The following SLC5A3 variants were observed in gnomAD, a reference collection of about 807,000 sequenced individuals.
The protein encoded by SLC5A3 is sodium/myo-inositol cotransporter.
Under a neutral mutation model 43.2 loss-of-function variants are expected in SLC5A3, and 10 were observed. That is an observed-to-expected ratio of 0.23 (90% CI 0.14 to 0.39). The LOEUF is 0.39. Ranked by LOEUF, SLC5A3 falls within the 10% of genes least tolerant of loss-of-function variation. SLC5A3 has a pLI of 1.00. For synonymous variants in SLC5A3, 349 were observed against 322.0 expected, an observed-to-expected ratio of 1.08 and a Z score of -0.90; for missense variants, 608 against 893.4, an observed-to-expected ratio of 0.68 and a Z score of 4.07.
rs751109363 is a variant in SLC5A3, at chr21:34,104,766, C to T, written c.*7411C>T. 3.3e-5 allele frequency: 33 copies of T among 1,000,146 alleles called. No individual in the cohort carries two copies. Among genetic ancestry groups the T allele is most frequent in the Non-Finnish European group, 3.9e-5 (32 of 829,996 alleles). The allele number at this position is 1,000,146 out of a possible 1,614,324, so 62.0% of individuals were successfully genotyped here. ...TTGAGGAACACCCTTGGCTTAGCAACATGTGATAATGCAAAGCTGTTATAA... is the reference window on the plus strand; with the variant it reads ...TTGAGGAACACCCTTGGCTTAGCAATATGTGATAATGCAAAGCTGTTATAA... On this transcript the variant is annotated 3_prime_UTR_variant, in exon 2 of 2. Transcript: ENST00000381151.
intron 1 of SLC5A3, among the ~76,000 whole-genome samples, chr21:34,076,886 C>G (rs2148651228): frequency 6.6e-6 from 1 of 152,334 alleles, no homozygotes; most frequent in East Asian, 1.9e-4. Flanking sequence ...GTTTTATTCA[C>G]TTCTGGAAAA....
intron 1 of SLC5A3, among the ~76,000 whole-genome samples, chr21:34,080,956 G>A (rs1033346658): frequency 7.2e-5 from 11 of 152,284 alleles, no homozygotes; most frequent in Middle Eastern, 3.4e-3. Flanking sequence ...TTTTATGACA[G>A]GTAATCTTGT....
intron 1 of SLC5A3, among the ~76,000 whole-genome samples, chr21:34,088,392 ATG>A (rs1978507958): frequency 8.0e-4 from 1 of 1,246 alleles, no homozygotes; most frequent in African/African-American, 3.0e-3. Flanking sequence ...TGTGAAGCCT[ATG>A]CCTGGGACTT....
rs1005585902 is a variant in SLC5A3, at chr21:34,104,132, T to C, written c.*6777T>C. 6 of 999,966 alleles carry C rather than the reference T, an allele frequency of 6.0e-6. No homozygotes were observed. The highest frequency in any genetic ancestry group is 6.0e-6 in the Non-Finnish European group (5 of 829,902). 61.9% of individuals were successfully genotyped at this position (999,966 alleles called of 1,614,324 possible). On this transcript the variant is annotated 3_prime_UTR_variant, in exon 2 of 2. Coordinates refer to ENST00000381151, the MANE Select transcript of SLC5A3 (RefSeq NM_006933.7). The stretch of plus-strand genomic sequence containing the variant: ...AGAGATGAAGTTACCTTTATTTTTT[T>C]CCTATACTTGACTGTGCTTCATTTT...
intron 1 of SLC5A3, among the ~76,000 whole-genome samples, chr21:34,087,502 TGAG>T (rs988665360): frequency 6.3e-4 from 96 of 152,210 alleles, no homozygotes; most frequent in African/African-American, 2.1e-3. Flanking sequence ...TACATGGTAG[TGAG>T]GAGACAGAAG....
chr21:34,099,487 G>C lies in SLC5A3; in HGVS notation c.*2132G>C. 1.0e-6 allele frequency: 1 copy of C among 999,850 alleles called. No individual in the cohort carries two copies. The highest frequency in any genetic ancestry group is 1.2e-6 in the Non-Finnish European group (1 of 829,778). The allele number at this position is 999,850 out of a possible 1,614,324, so 61.9% of individuals were successfully genotyped here. A position where few individuals can be genotyped will look rare whatever the true frequency, so the allele number is the denominator to read the frequency against. On this transcript the variant is annotated 3_prime_UTR_variant, in exon 2 of 2. Coordinates refer to ENST00000381151, the MANE Select transcript of SLC5A3 (RefSeq NM_006933.7). ...GGATTTTTCAAATTAACATTAAGTT[G>C]TAAGAACTAAAATTTTCTTTGAACC...
chr21:34,090,785 C>T (rs1015425799), intron 1 of SLC5A3, among the ~76,000 whole-genome samples: 9 of 152,258 alleles, frequency 5.9e-5, no homozygotes, highest in African/African-American at 2.2e-4. Flanking sequence ...TGTTGAGGCT[C>T]ATAGAGATGA....
Position 34,105,880 on chromosome 21 carries a change from A to AT in SLC5A3, c.*8527dup. 1 of 990,600 alleles carries AT rather than the reference A, an allele frequency of 1.0e-6. No homozygotes were observed. 61.4% of individuals were successfully genotyped at this position (990,600 alleles called of 1,614,324 possible). ...GTACAGTTGAAATTGTAGATTTAAG[A>AT]TTGTTAAAATCATGACAATTCTAAC... On this transcript the variant is annotated 3_prime_UTR_variant, in exon 2 of 2. Coordinates refer to ENST00000381151, the MANE Select transcript of SLC5A3 (RefSeq NM_006933.7).
rs764055960 is a variant in SLC5A3, at chr21:34,096,730, A to T, written c.1532A>T (p.Tyr511Phe). The change falls in exon 2 of 2, where the codon TAT (tyrosine) becomes TTT (phenylalanine). Residue 511 changes from tyrosine (Y) to phenylalanine (F), a missense_variant. By Grantham distance (22) the Tyr-to-Phe change is conservative. Transcript: ENST00000381151. The surrounding 1 kb of genome is among the most constrained non-coding windows in gnomAD (Gnocchi z 5.9). ...NRPGFIKDIH[Y>F]MYVATGLFWV... The stretch of plus-strand genomic sequence containing the variant: ...CCGGGCTTCATCAAAGACATCCATT[A>T]TATGTATGTGGCCACAGGATTGTTT... 1 of 1,613,958 alleles carries T rather than the reference A, an allele frequency of 6.2e-7. No individual in the cohort carries two copies. The highest frequency in any genetic ancestry group is 8.5e-7 in the Non-Finnish European group (1 of 1,179,992).
In SLC5A3 at chr21:34,073,624, C is replaced by T. The variant is rs1343185668; in HGVS notation, c.-458C>T. The T allele has an allele frequency of 2.3e-6, 3 of 1,311,158 alleles. No individual in the cohort carries two copies. Among genetic ancestry groups the T allele is most frequent in the Non-Finnish European group, 3.2e-6 (3 of 950,044 alleles). The allele number at this position is 1,311,158 out of a possible 1,614,324, so 81.2% of individuals were successfully genotyped here. A position where few individuals can be genotyped will look rare whatever the true frequency, so the allele number is the denominator to read the frequency against. On this transcript the variant is annotated 5_prime_UTR_variant, in exon 1 of 2. Coordinates refer to ENST00000381151, the MANE Select transcript of SLC5A3 (RefSeq NM_006933.7). ...TCCGGCGCAGCAGTTTCTAGGTCCCCACTGTCCCCGCCGTCCCGCCCCTTC... is the reference window on the plus strand; with the variant it reads ...TCCGGCGCAGCAGTTTCTAGGTCCCTACTGTCCCCGCCGTCCCGCCCCTTC...
chr21:34,082,978 C>T (rs1247016590), intron 1 of SLC5A3, among the ~76,000 whole-genome samples: 1 of 152,194 alleles, frequency 6.6e-6, no homozygotes, highest in Non-Finnish European at 1.5e-5. Flanking sequence ...AGTGAAAGCA[C>T]AGACTTAGCA....
At position 34,102,766 on chromosome 21, in the gene SLC5A3, C is replaced by G. The variant is rs561691078; in HGVS notation, c.*5411C>G. ...GTAGTGTGGGAACAGTGGTTTTGCT[C>G]TATACCACTGAAAAGCACTATAACA... On this transcript the variant is annotated 3_prime_UTR_variant, in exon 2 of 2. Transcript: ENST00000381151. The G allele has an allele frequency of 2.0e-6, 2 of 1,000,124 alleles. No homozygotes were observed. The highest frequency in any genetic ancestry group is 1.2e-4 in the Admixed American group (2 of 16,256). 62.0% of individuals were successfully genotyped at this position (1,000,124 alleles called of 1,614,324 possible). A position where few individuals can be genotyped will look rare whatever the true frequency, so the allele number is the denominator to read the frequency against.
Position 34,104,342 on chromosome 21 carries a change from TCTA to T in SLC5A3, c.*6990_*6992del. 1.0e-6 allele frequency: 1 copy of T among 1,000,112 alleles called. No individual in the cohort carries two copies. The allele number at this position is 1,000,112 out of a possible 1,614,324, so 62.0% of individuals were successfully genotyped here. A position where few individuals can be genotyped will look rare whatever the true frequency, so the allele number is the denominator to read the frequency against. ...GTGTGTAGAAGAAAACGTATGTTCT[TCTA>T]CTCAGCATTGCCCTTTTCCACCTCC... On this transcript the variant is annotated 3_prime_UTR_variant, in exon 2 of 2. Transcript: ENST00000381151.
chr21:34,094,246 A>AAG (rs1358776603), intron 1 of SLC5A3, among the ~76,000 whole-genome samples: 3 of 152,174 alleles, frequency 2.0e-5, no homozygotes, highest in Non-Finnish European at 4.4e-5. Context: ...GGCGTCTCAC[A>AAG]AGATCTAGGT....
At position 34,095,651 on chromosome 21, in the gene SLC5A3, G is replaced by C; in HGVS notation, c.453G>C (p.Gln151His). ...VDLYSGALFI[Q>H]ESLGWNLYVS... ...TGTATTCGGGTGCCCTTTTTATCCAGGAGTCTTTGGGTTGGAATCTTTATG... is the reference window on the plus strand; with the variant it reads ...TGTATTCGGGTGCCCTTTTTATCCACGAGTCTTTGGGTTGGAATCTTTATG... The change falls in exon 2 of 2, where the codon CAG becomes CAC. Residue 151 changes from glutamine to histidine, a missense_variant. By Grantham distance (24) the Gln-to-His change is conservative. Around this residue, in one of 2 missense-constraint regions of SLC5A3, gnomAD observed 398 missense variants for 668.6 expected, o/e 0.60. Transcript: ENST00000381151. 1.9e-6 allele frequency: 3 copies of C among 1,613,432 alleles called. No individual in the cohort carries two copies. Among genetic ancestry groups the C allele is most frequent in the Non-Finnish European group, 2.5e-6 (3 of 1,179,860 alleles).
At position 34,100,299 on chromosome 21, in the gene SLC5A3, A is replaced by G. The variant is rs1979174578; in HGVS notation, c.*2944A>G. On this transcript the variant is annotated 3_prime_UTR_variant, in exon 2 of 2. Transcript: ENST00000381151. ...AGGGCATATTACATTGGTATGCAGG[A>G]TGATTATTGCATATTTTGTGGGACC... 3 of 1,000,216 alleles carry G rather than the reference A, an allele frequency of 3.0e-6. No individual in the cohort carries two copies. The South Asian group carries it at 1.4e-4, about 47-fold the overall frequency. 62.0% of individuals were successfully genotyped at this position (1,000,216 alleles called of 1,614,324 possible).
chr21:34,103,511 C>G lies in SLC5A3; in HGVS notation c.*6156C>G, dbSNP rs141152557. 1.7e-5 allele frequency: 17 copies of G among 999,114 alleles called. No individual in the cohort carries two copies. Among genetic ancestry groups the G allele is most frequent in the Admixed American group, 6.2e-5 (1 of 16,234 alleles). 61.9% of individuals were successfully genotyped at this position (999,114 alleles called of 1,614,324 possible). A position where few individuals can be genotyped will look rare whatever the true frequency, so the allele number is the denominator to read the frequency against. ...TTCCATTGTAGGTTGATAGGTATAT[C>G]GAGAACAGGTACGTGACAACAGTTT... On this transcript the variant is annotated 3_prime_UTR_variant, in exon 2 of 2. Coordinates refer to ENST00000381151, the MANE Select transcript of SLC5A3 (RefSeq NM_006933.7).
intron 1 of SLC5A3, among the ~76,000 whole-genome samples, chr21:34,084,777 C>G (rs900125781): frequency 6.6e-6 from 1 of 152,148 alleles, no homozygotes; most frequent in Non-Finnish European, 1.5e-5. Flanking sequence ...AGTCTGCTCA[C>G]CTCTGTTTTC....
At position 34,104,204 on chromosome 21, in the gene SLC5A3, T is replaced by G. The variant is rs1979374439; in HGVS notation, c.*6849T>G. ...AGTGTTCTGAGCATCAGACTAATTC[T>G]GAAGCATATTTGCTAGAGGAGCTAC... On this transcript the variant is annotated 3_prime_UTR_variant, in exon 2 of 2. Transcript: ENST00000381151. 2 of 1,000,072 alleles carry G rather than the reference T, an allele frequency of 2.0e-6. No individual in the cohort carries two copies. Among genetic ancestry groups the G allele is most frequent in the Non-Finnish European group, 2.4e-6 (2 of 829,946 alleles). The allele number at this position is 1,000,072 out of a possible 1,614,324, so 61.9% of individuals were successfully genotyped here.
Sources: gnomAD v4.1 joint callset for allele counts (sites outside exome capture counted in the v4.1 genomes callset) on GRCh38, gnomAD v4.1.1 for gene constraint, gnomAD v4.1.1 regional missense constraint, Gnocchi (gnomAD v3.1) non-coding constraint, MANE v1.5 for transcripts, NCBI Gene and HGNC (gene_info 2026-07-23, HGNC 2026-07-21) for gene names.